Variants in VSTM2L observed in about 807,000 individuals in gnomAD.
VSTM2L encodes the protein V-set and transmembrane domain-containing protein 2-like protein.
In VSTM2L, 9 loss-of-function variants were observed where a neutral mutation model predicts 19.9. That is an observed-to-expected ratio of 0.45 (90% CI 0.27 to 0.79). The LOEUF is 0.79. Among genes scored for constraint, VSTM2L ranks in the 30% least tolerant of loss-of-function variants. VSTM2L has a pLI of 0.15. For missense variants in VSTM2L, 286 were observed against 295.5 expected (o/e 0.97, Z 0.24); for synonymous variants, 127 against 133.8 (o/e 0.95, Z 0.35).
chr20:37,907,006 C>T (rs1260452635), intron 1 of VSTM2L, among the ~76,000 whole-genome samples: 1 of 152,230 alleles, frequency 6.6e-6, no homozygotes, highest in Non-Finnish European at 1.5e-5. Flanking sequence ...CAAGAAGCCT[C>T]ACATGGCAGA....
At chr20:37,908,826 TAA>T (rs2072764506) in intron 1 of VSTM2L, among the ~76,000 whole-genome samples, 1 of 151,882 alleles carries the variant, frequency 6.6e-6, no homozygotes, top group Admixed American at 6.6e-5. Flanking sequence ...TAGATAAAAA[TAA>T]AAAGAGGAGA....
intron 1 of VSTM2L, among the ~76,000 whole-genome samples, chr20:37,916,515 C>T (rs2072819460): frequency 6.6e-6 from 1 of 152,258 alleles, no homozygotes; most frequent in African/African-American, 2.4e-5. Flanking sequence ...CTGCTGTCTA[C>T]CTCAATATGT....
intron 1 of VSTM2L, among the ~76,000 whole-genome samples, chr20:37,909,282 G>C (rs6126515): frequency 6.6e-6 from 1 of 152,202 alleles, no homozygotes; most frequent in Non-Finnish European, 1.5e-5. Context: ...CAGCGGCACA[G>C]GTGCCCACGT....
intron 1 of VSTM2L, among the ~76,000 whole-genome samples, chr20:37,920,115 A>G (rs1279982752): frequency 6.6e-6 from 1 of 152,122 alleles, no homozygotes; most frequent in African/African-American, 2.4e-5. Flanking sequence ...ATGCCCCCTT[A>G]CTCTGTCTTC....
Position 37,906,053 on chromosome 20 carries a change from G to C in VSTM2L, c.121+2582G>C, listed in dbSNP as rs1201378425. 3.6e-5 allele frequency among the ~76,000 whole-genome samples: 5 copies of C among 139,846 alleles called. No homozygotes were observed. In the East Asian group the frequency reaches 1.2e-3, roughly 34 times the overall value. 91.7% of individuals were successfully genotyped at this position (139,846 alleles called of 152,430 possible). ...GGAAGGTGTCTCTGTGTCTGGGGGTGGGGGGTGGGGGCTGGAAGCAGGGGC... is the reference window on the plus strand; with the variant it reads ...GGAAGGTGTCTCTGTGTCTGGGGGTCGGGGGTGGGGGCTGGAAGCAGGGGC... On this transcript the variant is annotated intron_variant, in intron 1 of 3. Transcript: ENST00000373461.
At chr20:37,929,022 C>T (rs926689581) in intron 1 of VSTM2L, among the ~76,000 whole-genome samples, 3 of 152,226 alleles carry the variant, frequency 2.0e-5, no homozygotes, top group African/African-American at 7.2e-5. Context: ...TTACAGGACA[C>T]CCTCCTCATG....
At chr20:37,919,246 T>C (rs1204098276) in intron 1 of VSTM2L, among the ~76,000 whole-genome samples, 1 of 152,214 alleles carries the variant, frequency 6.6e-6, no homozygotes, top group East Asian at 1.9e-4. Context: ...CAAAATGCCT[T>C]CTTCTTGGCT....
intron 1 of VSTM2L, among the ~76,000 whole-genome samples, chr20:37,912,614 G>T (rs2072786452): frequency 6.6e-6 from 1 of 152,222 alleles, no homozygotes; most frequent in African/African-American, 2.4e-5. Context: ...CCCTGTGCCT[G>T]TTTGCCTCAA....
intron 3 of VSTM2L, among the ~76,000 whole-genome samples, chr20:37,935,504 T>TCCACCTTCCCATTCCTTC (rs2072934453): frequency 6.6e-6 from 1 of 152,094 alleles, no homozygotes; most frequent in Admixed American, 6.6e-5. Context: ...TGGCAGCCTT[T>TCCACCTTCCCATTCCTTC]CCACCTTCCC....
intron 1 of VSTM2L, among the ~76,000 whole-genome samples, chr20:37,925,877 T>G (rs899223293): frequency 6.6e-6 from 1 of 152,142 alleles, no homozygotes; most frequent in African/African-American, 2.4e-5. Context: ...TGCTCCCGGC[T>G]CTACTACCTA....
chr20:37,933,107 G>A (rs1262238528), intron 2 of VSTM2L, among the ~76,000 whole-genome samples: 1 of 152,220 alleles, frequency 6.6e-6, no homozygotes, highest in Non-Finnish European at 1.5e-5. Flanking sequence ...TGGGGAATGT[G>A]GGCAGGGTTC....
intron 1 of VSTM2L, among the ~76,000 whole-genome samples, chr20:37,915,890 C>G (rs80299618): frequency 0.016 from 2,510 of 152,238 alleles, 63 homozygotes; most frequent in African/African-American, 0.058. Context: ...TGTCCCTGTC[C>G]GTTGGTCTCT....
rs1465756252 is a variant in VSTM2L, at chr20:37,903,181, C to T, written c.-170C>T. The T allele has an allele frequency of 1.1e-6, 1 of 908,422 alleles. No homozygotes were observed. The highest frequency in any genetic ancestry group is 1.4e-6 in the Non-Finnish European group (1 of 705,300). The allele number at this position is 908,422 out of a possible 1,614,324, so 56.3% of individuals were successfully genotyped here. ...CTCGCTCCCCGAAGCCGGGGCTGGGCCGGAGCCGGGCGAGGGCTGGGAGCT... is the reference window on the plus strand; with the variant it reads ...CTCGCTCCCCGAAGCCGGGGCTGGGTCGGAGCCGGGCGAGGGCTGGGAGCT... On this transcript the variant is annotated 5_prime_UTR_variant, in exon 1 of 4. Coordinates refer to ENST00000373461, the MANE Select transcript of VSTM2L (RefSeq NM_080607.3).
At chr20:37,922,705 C>T (rs1484069477) in intron 1 of VSTM2L, among the ~76,000 whole-genome samples, 1 of 152,134 alleles carries the variant, frequency 6.6e-6, no homozygotes, top group Non-Finnish European at 1.5e-5. Flanking sequence ...CAGAGGGAGA[C>T]AGGAGATTCA....
At chr20:37,903,613 C>T (rs563702410) in intron 1 of VSTM2L, 142 bp downstream of exon 1, 6 of 1,243,358 alleles carry the variant, frequency 4.8e-6, no homozygotes, top group East Asian at 6.6e-5. Flanking sequence ...GCGGTGGACC[C>T]GCCCTGGCAC....
Position 37,931,468 on chromosome 20 carries a change from C to A in VSTM2L, c.122-167C>A, listed in dbSNP as rs1166190539. Reference sequence around the variant, plus strand: ...CCTGCCTTGCTGAGCTTCTTGGGTGCCCAGCTGAAGCCAGACCACTCCCAC... The same window carrying A: ...CCTGCCTTGCTGAGCTTCTTGGGTGACCAGCTGAAGCCAGACCACTCCCAC... On this transcript the variant is annotated intron_variant, in intron 1 of 3. Transcript: ENST00000373461. Among the ~76,000 whole-genome samples the A allele has an allele frequency of 2.0e-5, 3 of 152,178 alleles. No homozygotes were observed. In the East Asian group the frequency reaches 5.8e-4, roughly 29 times the overall value.
Position 37,938,651 on chromosome 20 carries a change from G to A in VSTM2L, c.342+5062G>A, listed in dbSNP as rs577184080. ...CTGAACTTGGCCCTGGCCAGGGTTC[G>A]GCCTTGTCTCTTTCAGCGTAACTAG... On this transcript the variant is annotated intron_variant, in intron 3 of 3. Transcript: ENST00000373461. Among the ~76,000 whole-genome samples, 224 of 152,364 alleles carry A rather than the reference G, an allele frequency of 1.5e-3. 2 individuals carry two copies. Among genetic ancestry groups the A allele is most frequent in the African/African-American group, 5.0e-3 (209 of 41,602 alleles).
rs1412161676 is a variant in VSTM2L at position 37,944,225 on chromosome 20, C to T, written c.587C>T (p.Ser196Leu). ...CCAGGCAAGGAGCTGAGGAAGCGCT[C>T]GGTGGACCAGGAGGCCTGCAGCCTC... The part of the protein sequence containing the change: ...PKPGKELRKR[S>L]VDQEACSL The change falls in exon 4 of 4, where the codon TCG becomes TTG. Residue 196 changes from serine to leucine, a missense_variant. Coordinates refer to ENST00000373461, the MANE Select transcript of VSTM2L (RefSeq NM_080607.3). The T allele has an allele frequency of 2.0e-6, 3 of 1,521,040 alleles. No individual in the cohort carries two copies. Among genetic ancestry groups the T allele is most frequent in the African/African-American group, 2.8e-5 (2 of 72,034 alleles). 94.2% of individuals were successfully genotyped at this position (1,521,040 alleles called of 1,614,324 possible).
At chr20:37,908,541 G>T (rs530549690) in intron 1 of VSTM2L, among the ~76,000 whole-genome samples, 1 of 152,320 alleles carries the variant, frequency 6.6e-6, no homozygotes, top group East Asian at 1.9e-4. Flanking sequence ...GGCTGGGCAC[G>T]GCGGCTCATG....
Sources: gnomAD v4.1 joint callset for allele counts (sites outside exome capture counted in the v4.1 genomes callset) on GRCh38, gnomAD v4.1.1 for gene constraint, MANE v1.5 for transcripts, NCBI Gene and HGNC (gene_info 2026-07-23, HGNC 2026-07-21) for gene names.